The following ADAM32 variants were observed in gnomAD, a reference collection of about 807,000 sequenced individuals.
The protein encoded by ADAM32 is ADAM metallopeptidase domain 32.
ADAM32 carries 89 observed loss-of-function variants against 114.9 expected under a neutral mutation model. The ratio of observed to expected loss-of-function variants is 0.77; its 90% confidence interval spans 0.65 to 0.92. The LOEUF is 0.92. Ranked by LOEUF, ADAM32 falls within the 40% of genes least tolerant of loss-of-function variation. The pLI, the probability that ADAM32 is intolerant of heterozygous loss-of-function variation, is 0.00. For missense variants in ADAM32, 870 were observed against 932.8 expected, an observed-to-expected ratio of 0.93 and a Z score of 0.88; for synonymous variants, 285 against 307.5, an observed-to-expected ratio of 0.93 and a Z score of 0.77.
At chr8:39,156,243 G>A (rs938366538) in intron 6 of ADAM32, among the ~76,000 whole-genome samples, 27 of 152,020 alleles carry the variant, frequency 1.8e-4, no homozygotes, top group Non-Finnish European at 3.2e-4. Flanking sequence ...TACCTCCTAA[G>A]CACAGGTGAT....
intron 2 of ADAM32, 145 bp downstream of exon 2, chr8:39,118,310 A>G (rs530439762): frequency 2.3e-6 from 1 of 440,328 alleles, no homozygotes; most frequent in South Asian, 7.7e-5. Context: ...TTTGATGGTA[A>G]AAGCAAATAG....
At chr8:39,205,252 C>T (rs907404515) in intron 11 of ADAM32, among the ~76,000 whole-genome samples, 2 of 152,212 alleles carry the variant, frequency 1.3e-5, no homozygotes, top group Non-Finnish European at 2.9e-5. Context: ...AGGCAGGCCT[C>T]CTTGAGCTGC....
intron 11 of ADAM32, among the ~76,000 whole-genome samples, chr8:39,188,359 ATCTGTCTATCTATCTGTCTGTCTG>A (rs1806383657): frequency 8.1e-6 from 1 of 123,582 alleles, no homozygotes; most frequent in African/African-American, 3.0e-5. Context: ...GATAAATGGA[ATCTGTCTATCTATCTGTCTGTCTG>A]TCTGTCTATC....
In ADAM32 at chr8:39,234,035, C is replaced by T; in HGVS notation, c.1771C>T (p.Pro591Ser). 1 of 1,513,300 alleles carries T rather than the reference C, an allele frequency of 6.6e-7. No individual in the cohort carries two copies. Among genetic ancestry groups the T allele is most frequent in the Non-Finnish European group, 8.9e-7 (1 of 1,127,384 alleles). 93.7% of individuals were successfully genotyped at this position (1,513,300 alleles called of 1,614,324 possible). A position where few individuals can be genotyped will look rare whatever the true frequency, so the allele number is the denominator to read the frequency against. Residue 591 changes from proline to serine, a missense_variant, in exon 16 of 25, where the codon CCA (proline) becomes TCA (serine). By Grantham distance (74) the Pro-to-Ser change is moderately conservative. Transcript: ENST00000379907. ...TVDYKLPRTV[P>S]DPLAVKNGSQ... ...AGACTACAAATTGCCTCGAACAGTT[C>T]CAGATCCACTGGCTGTCAAAAATGG...
At position 39,119,421 on chromosome 8, in the gene ADAM32, G is replaced by A. The variant is rs534282975; in HGVS notation, c.138+1256G>A. 3.3e-5 allele frequency among the ~76,000 whole-genome samples: 5 copies of A among 152,294 alleles called. No homozygotes were observed. In the South Asian group the frequency reaches 1.0e-3, roughly 32 times the overall value. On this transcript the variant is annotated intron_variant, in intron 2 of 24. Coordinates refer to ENST00000379907, the MANE Select transcript of ADAM32 (RefSeq NM_145004.7). ...TTAAAGCTATTGTAGTGGGAGTGTA[G>A]TGGTATGTAATTGTGGCTTCAATTT... is the stretch of plus-strand genomic sequence containing the variant.
intron 11 of ADAM32, among the ~76,000 whole-genome samples, chr8:39,201,917 T>G (rs1807449739): frequency 6.6e-6 from 1 of 152,248 alleles, no homozygotes; most frequent in African/African-American, 2.4e-5. Context: ...TCTGTTTATA[T>G]GCTGGATTAC....
At chr8:39,236,644 G>A (rs75997637) in intron 16 of ADAM32, among the ~76,000 whole-genome samples, 2,443 of 152,124 alleles carry the variant, frequency 0.016, 75 homozygotes, top group African/African-American at 0.055. Context: ...TGTAATAATT[G>A]ATGAGCTTAT....
intron 14 of ADAM32, chr8:39,223,890 G>A (rs936970448): frequency 1.7e-4 from 26 of 152,050 alleles, no homozygotes; most frequent in Admixed American, 1.6e-3. Context: ...GTGAGATCAT[G>A]CGTTATTTAC....
At chr8:39,195,558 C>T (rs974424378) in intron 11 of ADAM32, among the ~76,000 whole-genome samples, 34 of 152,168 alleles carry the variant, frequency 2.2e-4, no homozygotes, top group South Asian at 6.2e-4. Context: ...TTACAGTTTC[C>T]GGCCTTATGT....
intron 2 of ADAM32, among the ~76,000 whole-genome samples, chr8:39,125,250 G>T (rs1467117198): frequency 6.6e-6 from 1 of 151,766 alleles, no homozygotes. Context: ...GATATTTGTT[G>T]TTTGTCAGAT....
chr8:39,211,883 A>G (rs1374856333), intron 12 of ADAM32, among the ~76,000 whole-genome samples: 2 of 152,162 alleles, frequency 1.3e-5, no homozygotes, highest in Non-Finnish European at 2.9e-5. Flanking sequence ...GGTAGACAGA[A>G]ATTTATTAGG....
intron 19 of ADAM32, among the ~76,000 whole-genome samples, chr8:39,259,159 G>GT (rs538989993): frequency 1.2e-3 from 172 of 144,780 alleles, no homozygotes; most frequent in Middle Eastern, 3.5e-3. Context: ...CATGTTTTTT[G>GT]TTTTTTTTTT....
chr8:39,268,645 G>A (rs1335231087), intron 19 of ADAM32, among the ~76,000 whole-genome samples: 1 of 152,114 alleles, frequency 6.6e-6, no homozygotes, highest in Non-Finnish European at 1.5e-5. Context: ...TAATTTTGGT[G>A]CTGTAGCTAA....
chr8:39,145,207 A>C (rs1433157421), intron 3 of ADAM32, among the ~76,000 whole-genome samples: 3 of 152,194 alleles, frequency 2.0e-5, no homozygotes, highest in African/African-American at 7.2e-5. Flanking sequence ...AAGAGTTAAT[A>C]TTGTTAAAAT....
At chr8:39,233,866 T>C (rs1585605141) in intron 15 of ADAM32, 33 bp from the exon 16 acceptor site, 12 of 1,301,002 alleles carry the variant, frequency 9.2e-6, no homozygotes, top group Non-Finnish European at 1.2e-5. Flanking sequence ...ATTCCTAATG[T>C]ATAATAATCA....
chr8:39,237,826 T>C (rs1395866070), intron 16 of ADAM32, among the ~76,000 whole-genome samples: 1 of 152,120 alleles, frequency 6.6e-6, no homozygotes, highest in Non-Finnish European at 1.5e-5. Flanking sequence ...AAAATGACAG[T>C]AACTCATGGG....
intron 10 of ADAM32, among the ~76,000 whole-genome samples, chr8:39,177,917 C>G (rs888000564): frequency 1.3e-5 from 2 of 152,080 alleles, no homozygotes; most frequent in Non-Finnish European, 2.9e-5. Flanking sequence ...GGTGACCTGG[C>G]CTTTCCATCT....
At chr8:39,116,911 T>A (rs1840401148) in intron 1 of ADAM32, among the ~76,000 whole-genome samples, 1 of 150,940 alleles carries the variant, frequency 6.6e-6, no homozygotes, top group Admixed American at 6.6e-5. Context: ...TGAGACAGAG[T>A]CTTTCTCTGT....
chr8:39,229,098 G>T (rs1477028096), intron 14 of ADAM32, among the ~76,000 whole-genome samples: 1 of 152,120 alleles, frequency 6.6e-6, no homozygotes, highest in Non-Finnish European at 1.5e-5. Context: ...CATATGTGAA[G>T]GAAAGATACA....
Sources: allele counts gnomAD v4.1 joint callset (sites outside exome capture counted in the v4.1 genomes callset), GRCh38; gene constraint gnomAD v4.1.1; transcripts MANE v1.5; gene names NCBI Gene and HGNC (gene_info 2026-07-23, HGNC 2026-07-21).